JAZF1: variants seen among roughly 807,000 people sequenced by gnomAD.
JAZF1 encodes the protein JAZF zinc finger 1.
In JAZF1, 8 loss-of-function variants were observed where a neutral mutation model predicts 26.4. That is an observed-to-expected ratio of 0.30 (90% CI 0.18 to 0.55). The LOEUF (loss-of-function observed/expected upper bound fraction) is 0.55. JAZF1 is among the 20% of genes least tolerant of loss of function. The pLI is 0.94. For synonymous variants in JAZF1, 126 were observed against 122.3 expected (o/e 1.03, Z -0.20); for missense variants, 199 against 322.0 (o/e 0.62, Z 2.92).
At position 27,987,299 on chromosome 7, in the gene JAZF1, C is replaced by T. The variant is rs564325938; in HGVS notation, c.188+4610G>A. Among the ~76,000 whole-genome samples the T allele has an allele frequency of 1.1e-3, 165 of 150,744 alleles. 1 individual carries two copies. Among genetic ancestry groups the T allele is most frequent in the African/African-American group, 3.5e-3 (145 of 40,902 alleles). The stretch of plus-strand genomic sequence containing the variant: ...CTGGGATGTGAGGAGTGCCTCTGCC[C>T]GGCTGCGACCCCGTCTGGGATCTGA... On this transcript the variant is annotated intron_variant, in intron 2 of 4. Transcript: ENST00000283928.
intron 1 of JAZF1, among the ~76,000 whole-genome samples, chr7:27,998,200 CT>C (rs1377125306): frequency 2.0e-5 from 3 of 152,130 alleles, no homozygotes; most frequent in Non-Finnish European, 4.4e-5. Flanking sequence ...GCCCTGCGTC[CT>C]GAGTCTTATT....
At chr7:27,838,131 A>G (rs1240989349) in intron 4 of JAZF1, among the ~76,000 whole-genome samples, 1 of 151,762 alleles carries the variant, frequency 6.6e-6, no homozygotes, top group African/African-American at 2.4e-5. Context: ...TGTATAAGCT[A>G]TGAGAACTGC....
chr7:28,142,681 C>T (rs759669596), intron 1 of JAZF1, among the ~76,000 whole-genome samples: 3 of 152,166 alleles, frequency 2.0e-5, no homozygotes, highest in Non-Finnish European at 4.4e-5. Context: ...TCCCTTGGAG[C>T]CAGAGTATGT....
At chr7:27,833,344 T>C (rs1477073527) in intron 4 of JAZF1, among the ~76,000 whole-genome samples, 1 of 152,212 alleles carries the variant, frequency 6.6e-6, no homozygotes, top group African/African-American at 2.4e-5. Context: ...ACAAATATCC[T>C]CAGCATGACC....
At chr7:27,974,084 CAT>C (rs1785426129) in intron 2 of JAZF1, among the ~76,000 whole-genome samples, 1 of 151,972 alleles carries the variant, frequency 6.6e-6, no homozygotes, top group Admixed American at 6.6e-5. Flanking sequence ...TGCCATTAAA[CAT>C]AGTATGAATC....
chr7:27,917,190 C>T (rs528711002), intron 2 of JAZF1, among the ~76,000 whole-genome samples: 2 of 152,284 alleles, frequency 1.3e-5, no homozygotes, highest in South Asian at 4.1e-4. Flanking sequence ...CAAACATTTT[C>T]TTATTTATCT....
intron 4 of JAZF1, among the ~76,000 whole-genome samples, chr7:27,834,103 C>A (rs1169957744): frequency 6.6e-6 from 1 of 152,142 alleles, no homozygotes; most frequent in Non-Finnish European, 1.5e-5. Flanking sequence ...CTGAAGGATT[C>A]CAACACAAAT....
At chr7:28,027,415 G>GGACA (rs1783112286) in intron 1 of JAZF1, among the ~76,000 whole-genome samples, 1 of 152,114 alleles carries the variant, frequency 6.6e-6, no homozygotes, top group Non-Finnish European at 1.5e-5. Flanking sequence ...AAATAATGTG[G>GGACA]GACAGTAGGT....
rs146829489 is a variant in JAZF1 at position 27,994,894 on chromosome 7, T to C, written c.116-2913A>G. ...AGTATTTCTCCCTCCCTGACAGAAA[T>C]GTAACTGTCTGATGCTAAAAACTCT... On this transcript the variant is annotated intron_variant, in intron 1 of 4. Coordinates refer to ENST00000283928, the MANE Select transcript of JAZF1 (RefSeq NM_175061.4). Among the ~76,000 whole-genome samples the C allele has an allele frequency of 2.6e-3, 400 of 152,242 alleles. 2 individuals are homozygous for C. The highest frequency in any genetic ancestry group is 9.2e-3 in the African/African-American group (384 of 41,548).
intron 1 of JAZF1, among the ~76,000 whole-genome samples, chr7:28,029,291 A>G (rs541168161): frequency 6.6e-6 from 1 of 152,340 alleles, no homozygotes; most frequent in South Asian, 2.1e-4. Context: ...TTAGTCAGAA[A>G]ACTTAGGCAG....
chr7:28,172,140 T>C (rs1462451805), intron 1 of JAZF1, among the ~76,000 whole-genome samples: 1 of 152,234 alleles, frequency 6.6e-6, no homozygotes, highest in Non-Finnish European at 1.5e-5. Flanking sequence ...CTCTGATGAA[T>C]CCTCATATCA....
chr7:28,177,176 G>C (rs1206065768), intron 1 of JAZF1, among the ~76,000 whole-genome samples: 1 of 152,090 alleles, frequency 6.6e-6, no homozygotes, highest in Non-Finnish European at 1.5e-5. Context: ...TATACACTGA[G>C]ACAGGTACTC....
chr7:28,020,922 G>C, intron 1 of JAZF1: 1 of 313,708 alleles, frequency 3.2e-6, no homozygotes, highest in Non-Finnish European at 6.3e-6. Flanking sequence ...TCAGGAAATA[G>C]AAAAGTAACC....
At chr7:27,972,734 G>A (rs969029794) in intron 2 of JAZF1, among the ~76,000 whole-genome samples, 12 of 151,924 alleles carry the variant, frequency 7.9e-5, no homozygotes, top group Non-Finnish European at 1.6e-4. Flanking sequence ...TTATATATCC[G>A]TATCATAGTA....
At chr7:27,843,289 C>G (rs73075378) in intron 3 of JAZF1, 11,547 of 152,346 alleles carry the variant, frequency 0.076, 641 homozygotes, top group Middle Eastern at 0.12. Context: ...AACATCAACA[C>G]AGACCTGGGT....
chr7:28,078,501 T>A (rs1784088638), intron 1 of JAZF1, among the ~76,000 whole-genome samples: 1 of 152,212 alleles, frequency 6.6e-6, no homozygotes, highest in Non-Finnish European at 1.5e-5. Flanking sequence ...GCATTGCTAC[T>A]CAAAGGCAAA....
At chr7:28,178,309 C>T (rs750956059) in intron 1 of JAZF1, among the ~76,000 whole-genome samples, 1 of 151,804 alleles carries the variant, frequency 6.6e-6, no homozygotes, top group Admixed American at 6.6e-5. Context: ...AAACTAAATC[C>T]TCAAGAAGGA....
intron 1 of JAZF1, chr7:28,071,492 T>C (rs1407480338): frequency 4.9e-6 from 2 of 410,498 alleles, no homozygotes; most frequent in Non-Finnish European, 9.9e-6. Context: ...TCCTTCCTCA[T>C]AGAACCATTT....
chr7:28,129,667 TA>T (rs1782756933), intron 1 of JAZF1, among the ~76,000 whole-genome samples: 1 of 152,162 alleles, frequency 6.6e-6, no homozygotes, highest in South Asian at 2.1e-4. Flanking sequence ...TGTCTCTCAT[TA>T]AAGTAAGTTT....
Sources: allele counts gnomAD v4.1 joint callset (sites outside exome capture counted in the v4.1 genomes callset), GRCh38; gene constraint gnomAD v4.1.1; transcripts MANE v1.5; gene names NCBI Gene and HGNC (gene_info 2026-07-23, HGNC 2026-07-21).